Variants in STRA8 observed in about 807,000 individuals in gnomAD.
The protein encoded by STRA8 is stimulated by retinoic acid gene 8 protein homolog.
Under a neutral mutation model 37.1 loss-of-function variants are expected in STRA8, and 18 were observed. The ratio of observed to expected loss-of-function variants is 0.48; its 90% CI spans 0.34 to 0.72. The LOEUF is 0.72. Among genes scored for constraint, STRA8 ranks in the 30% least tolerant of loss-of-function variants. The pLI is 0.01. For missense variants in STRA8, 357 were observed against 410.4 expected (o/e 0.87, Z 1.13); for synonymous variants, 168 against 162.9 (o/e 1.03, Z -0.24).
upstream of STRA8, chr7:135,231,945 CA>C (rs751678908): frequency 3.7e-5 from 60 of 1,605,948 alleles, 1 homozygote; most frequent in African/African-American, 7.5e-4. Context: ...AGGAGGCCCC[CA>C]GTGTTCATGG....
At chr7:135,239,081 T>C (rs888342208) in intron 1 of STRA8, among the ~76,000 whole-genome samples, 7 of 152,352 alleles carry the variant, frequency 4.6e-5, no homozygotes, top group Admixed American at 3.3e-4. Context: ...TTTTCTGAGC[T>C]AAAAAGTGTT....
intron 3 of STRA8, among the ~76,000 whole-genome samples, chr7:135,243,091 G>A (rs1375536711): frequency 6.6e-6 from 1 of 152,150 alleles, no homozygotes; most frequent in Non-Finnish European, 1.5e-5. Context: ...TTCCCTACTG[G>A]AGTGCTGCCA....
In STRA8 at chr7:135,240,538, A is replaced by G; in HGVS notation, c.14A>G (p.Glu5Gly). 3 of 1,613,620 alleles carry G rather than the reference A, an allele frequency of 1.9e-6. No individual in the cohort carries two copies. The highest frequency in any genetic ancestry group is 2.5e-6 in the Non-Finnish European group (3 of 1,179,976). The change falls in exon 2 of 9, where the codon GAA becomes GGA. Residue 5 changes from glutamate (E) to glycine (G), a missense_variant. Coordinates refer to ENST00000662584, the MANE Select transcript of STRA8 (RefSeq NM_001394401.1). ...TTACAGCTTATAATGGCAACCCCTG[A>G]AGAAAACAGCAATCCCCATGACAGA... The part of the protein sequence containing the change: MATP[E>G]ENSNPHDRAT...
At chr7:135,256,706 G>C (rs1832708101) in intron 8 of STRA8, among the ~76,000 whole-genome samples, 1 of 152,202 alleles carries the variant, frequency 6.6e-6, no homozygotes. Context: ...TCAGGAGGCT[G>C]AGTTGGGAGG....
chr7:135,252,817 G>A (rs917318274), intron 7 of STRA8, among the ~76,000 whole-genome samples: 1 of 152,200 alleles, frequency 6.6e-6, no homozygotes, highest in Non-Finnish European at 1.5e-5. Context: ...GGAGGTTGGG[G>A]AGTCTACGAC....
At chr7:135,248,843 C>T (rs932896758) in intron 6 of STRA8, among the ~76,000 whole-genome samples, 1 of 152,198 alleles carries the variant, frequency 6.6e-6, no homozygotes, top group Admixed American at 6.5e-5. Flanking sequence ...GGCCTACCAG[C>T]TACTGCCTTG....
rs1380959188 is a variant in STRA8 at position 135,251,785 on chromosome 7, C to T, written c.880-11C>T. The T allele has an allele frequency of 6.2e-7, 1 of 1,614,086 alleles. No homozygotes were observed. Among genetic ancestry groups the T allele is most frequent in the Non-Finnish European group, 8.5e-7 (1 of 1,179,938 alleles). On this transcript the variant is annotated splice_polypyrimidine_tract_variant and intron_variant, in intron 6 of 8. Transcript: ENST00000662584. ...TATTTCCAACACATGAAGTGTTGTG[C>T]TTTCTTTCAGATCCTTTTTGAGGAT...
chr7:135,258,357 T>A, intron 8 of STRA8, 61 bp from the exon 9 acceptor site: 1 of 1,426,766 alleles, frequency 7.0e-7, no homozygotes. Flanking sequence ...AGCCTTCCTA[T>A]CTGCCTCGGG....
chr7:135,240,192 G>C (rs1832439604), intron 1 of STRA8, among the ~76,000 whole-genome samples: 1 of 152,064 alleles, frequency 6.6e-6, no homozygotes. Context: ...TAAGTTCCAG[G>C]GCCCCTCAAC....
rs59621186 is a variant in STRA8, at chr7:135,252,013, AGT to A, written c.953+176_953+177del. The A allele has an allele frequency of 6.4e-3, 3,198 of 502,248 alleles. 4 individuals carry two copies. Among genetic ancestry groups the A allele is most frequent in the South Asian group, 8.2e-3 (393 of 48,200 alleles). 31.1% of individuals were successfully genotyped at this position (502,248 alleles called of 1,614,324 possible). ...AGAGGAGACAGAGGGAGAGAGAGAG[AGT>A]GTGTGTGTGTGTGTGTGTGTGTGTG... On this transcript the variant is annotated intron_variant, in intron 7 of 8. Transcript: ENST00000662584.
rs1418025808 is a variant in STRA8, at chr7:135,257,449, C to CT, written c.1066-959dup. 7.8e-4 allele frequency among the ~76,000 whole-genome samples: 117 copies of CT among 149,326 alleles called. 1 individual carries two copies. The highest frequency in any genetic ancestry group is 2.7e-3 in the African/African-American group (109 of 40,774). On this transcript the variant is annotated intron_variant, in intron 8 of 8. Transcript: ENST00000662584. Reference sequence around the variant, plus strand: ...CCTTGCTAAGCAAACAGTGCTGCTGCTTTTTTTTTTCACCCAGGATGGTGT... The same window carrying CT: ...CCTTGCTAAGCAAACAGTGCTGCTGCTTTTTTTTTTTCACCCAGGATGGTGT...
upstream of STRA8, among the ~76,000 whole-genome samples, chr7:135,232,315 GA>G (rs1019112710): frequency 6.6e-6 from 1 of 151,914 alleles, no homozygotes; most frequent in Non-Finnish European, 1.5e-5. Flanking sequence ...GCCCAGGAGA[GA>G]AAAGTCAGGG....
chr7:135,232,407 T>G (rs1646977), upstream of STRA8, among the ~76,000 whole-genome samples: 144,789 of 151,700 alleles, frequency 0.95, 69,424 homozygotes, highest in East Asian at 1. Flanking sequence ...CAGCCAGAAA[T>G]GGGGCAGCGA....
In STRA8 at chr7:135,246,316, C is replaced by T. The variant is rs1468568257; in HGVS notation, c.594-101C>T. ...TCTCAGCCCTGGTGAGCCGTGGCGC[C>T]GTGGCCGGGCCTGCGTGCTGGGGTC... On this transcript the variant is annotated intron_variant, in intron 5 of 8. Transcript: ENST00000662584. This position sits in a 1 kb window ranked among gnomAD's most constrained non-coding sequence, Gnocchi z 5.4. 35 of 1,486,756 alleles carry T rather than the reference C, an allele frequency of 2.4e-5. No individual in the cohort carries two copies. Among genetic ancestry groups the T allele is most frequent in the Non-Finnish European group, 3.0e-5 (33 of 1,092,210 alleles). The allele number at this position is 1,486,756 out of a possible 1,614,324, so 92.1% of individuals were successfully genotyped here.
chr7:135,243,236 C>T (rs575533317), intron 3 of STRA8, 90 bp from the exon 4 acceptor site: 188 of 1,411,984 alleles, frequency 1.3e-4, no homozygotes, highest in Non-Finnish European at 6.4e-5. Context: ...CAGGGTCCCA[C>T]CCACAGCCCA....
intron 8 of STRA8, 88 bp downstream of exon 8, chr7:135,255,313 A>C (rs1562974661): frequency 2.1e-6 from 2 of 955,468 alleles, no homozygotes; most frequent in Non-Finnish European, 3.3e-6. Context: ...ACCAGAACTC[A>C]CCCCAATCAT....
At chr7:135,235,375 A>C (rs1353845049) in intron 1 of STRA8, among the ~76,000 whole-genome samples, 2 of 144,194 alleles carry the variant, frequency 1.4e-5, no homozygotes, top group Non-Finnish European at 1.5e-5. Flanking sequence ...TCCATACCCC[A>C]CTTCTATTGG....
At chr7:135,252,503 C>T (rs1235170987) in intron 7 of STRA8, among the ~76,000 whole-genome samples, 2 of 152,140 alleles carry the variant, frequency 1.3e-5, no homozygotes, top group Non-Finnish European at 2.9e-5. Context: ...TCTTGGGGAT[C>T]CACCTTTTTT....
chr7:135,240,712 C>T lies in STRA8; in HGVS notation c.188C>T (p.Ser63Leu). 3 of 1,613,936 alleles carry T rather than the reference C, an allele frequency of 1.9e-6. No homozygotes were observed. The highest frequency in any genetic ancestry group is 2.5e-6 in the Non-Finnish European group (3 of 1,179,954). ...TVYSQSDLIA[S>L]KWQVLNKAKS... is the part of the protein sequence containing the mutation. ...TACTCTCAGTCTGATCTCATAGCCT[C>T]AAAGGTATGGGGACCTGGAGGAGGA... The change falls in exon 2 of 9, where the codon TCA becomes TTA. Residue 63 changes from serine (S) to leucine (L), a missense_variant. By Grantham distance (145) the Ser-to-Leu change is moderately radical. Coordinates refer to ENST00000662584, the MANE Select transcript of STRA8 (RefSeq NM_001394401.1).
Sources: allele counts gnomAD v4.1 joint callset (sites outside exome capture counted in the v4.1 genomes callset), GRCh38; gene constraint gnomAD v4.1.1; non-coding constraint Gnocchi (gnomAD v3.1); transcripts MANE v1.5; gene names NCBI Gene and HGNC (gene_info 2026-07-23, HGNC 2026-07-21).